POLB: variants seen among roughly 807,000 people sequenced by gnomAD.
The protein encoded by POLB is 5'-dRP lyase.
Under a neutral mutation model 52.7 loss-of-function variants are expected in POLB, and 37 were observed. The ratio of observed to expected loss-of-function variants is 0.70; its 90% CI spans 0.54 to 0.92. The LOEUF is 0.92. Among genes scored for constraint, POLB ranks in the 40% least tolerant of loss-of-function variants. The pLI is 0.00. For missense variants in POLB, 313 were observed against 400.8 expected (o/e 0.78, Z 1.87); for synonymous variants, 138 against 131.3 (o/e 1.05, Z -0.35).
intron 5 of POLB, among the ~76,000 whole-genome samples, chr8:42,350,287 A>C (rs1012772276): frequency 6.6e-6 from 1 of 152,070 alleles, no homozygotes; most frequent in African/African-American, 2.4e-5. Context: ...TCATGAAACC[A>C]GTTTGGTTAC....
intron 2 of POLB, chr8:42,342,650 C>A: frequency 1.7e-6 from 1 of 596,954 alleles, no homozygotes; most frequent in Non-Finnish European, 3.0e-6. Context: ...GGAACAGAGA[C>A]CTGCAGGCCC....
Position 42,355,565 on chromosome 8 carries a change from G to A in POLB, c.420G>A (p.Leu140=). ...DKLNHHQRIG[L]KYFGDFEKRI... ...TGAACCATCATCAGCGAATTGGGCT[G>A]AAGTAAGATGGCAGATTTTCTTTTG... Residue 140 remains leucine, a splice_region_variant and synonymous_variant, in exon 7 of 14, where the codon CTG becomes CTA. Transcript: ENST00000265421. The A allele has an allele frequency of 6.3e-7, 1 of 1,585,762 alleles. No homozygotes were observed. The highest frequency in any genetic ancestry group is 8.7e-7 in the Non-Finnish European group (1 of 1,155,092).
At chr8:42,363,161 T>C (rs1823819595) in intron 11 of POLB, among the ~76,000 whole-genome samples, 1 of 151,506 alleles carries the variant, frequency 6.6e-6, no homozygotes, top group Admixed American at 6.6e-5. Flanking sequence ...GCAGGATGCC[T>C]GATTCTCATA....
chr8:42,349,603 T>C (rs1303044534), intron 4 of POLB, among the ~76,000 whole-genome samples: 1 of 152,176 alleles, frequency 6.6e-6, no homozygotes, highest in Non-Finnish European at 1.5e-5. Flanking sequence ...TTAGCCAGTA[T>C]GGTCTCGATC....
chr8:42,366,105 A>T (rs77665347), intron 11 of POLB, among the ~76,000 whole-genome samples: 3 of 114,674 alleles, frequency 2.6e-5, no homozygotes, highest in African/African-American at 4.9e-5. Context: ...CTCCCAAAGG[A>T]AAAAAAAAAA....
rs1410055410 is a variant in POLB, at chr8:42,349,997, T to A, written c.262-10T>A. ...CCTAAATCATTGTTAGACTTTTTTT[T>A]TTCTTAAAGATTCGGCAGGATGATA... On this transcript the variant is annotated splice_polypyrimidine_tract_variant and intron_variant, in intron 4 of 13. Coordinates refer to ENST00000265421, the MANE Select transcript of POLB (RefSeq NM_002690.3). The A allele has an allele frequency of 6.3e-7, 1 of 1,594,180 alleles. No individual in the cohort carries two copies. Among genetic ancestry groups the A allele is most frequent in the Non-Finnish European group, 8.6e-7 (1 of 1,162,186 alleles).
chr8:42,358,318 C>T (rs946185081), intron 9 of POLB, among the ~76,000 whole-genome samples: 9 of 151,852 alleles, frequency 5.9e-5, no homozygotes, highest in Non-Finnish European at 1.0e-4. Flanking sequence ...CTGGCTAACA[C>T]GGTGAAACCC....
chr8:42,361,951 C>T (rs1162063569), intron 10 of POLB, among the ~76,000 whole-genome samples: 1 of 152,146 alleles, frequency 6.6e-6, no homozygotes, highest in Non-Finnish European at 1.5e-5. Flanking sequence ...GGAAAAAGTA[C>T]TTGCTCAGAA....
chr8:42,366,608 C>G (rs565443403), intron 11 of POLB, among the ~76,000 whole-genome samples: 6 of 152,262 alleles, frequency 3.9e-5, no homozygotes, highest in Non-Finnish European at 7.3e-5. Flanking sequence ...AAGAGAAGCA[C>G]TCGAGGTCAA....
At chr8:42,340,267 A>T (rs1822118784) in intron 2 of POLB, 1 of 152,172 alleles carries the variant, frequency 6.6e-6, no homozygotes, top group Non-Finnish European at 1.5e-5. Context: ...TAAAATCTGG[A>T]TGATTGCCGA....
Position 42,352,580 on chromosome 8 carries a change from T to A in POLB, c.370+12T>A, listed in dbSNP as rs201416398. The A allele has an allele frequency of 2.5e-5, 38 of 1,510,034 alleles. No individual in the cohort carries two copies. The highest frequency in any genetic ancestry group is 3.2e-5 in the Non-Finnish European group (35 of 1,085,230). The allele number at this position is 1,510,034 out of a possible 1,614,324, so 93.5% of individuals were successfully genotyped here. A position where few individuals can be genotyped will look rare whatever the true frequency, so the allele number is the denominator to read the frequency against. On this transcript the variant is annotated intron_variant, in intron 6 of 13. Coordinates refer to ENST00000265421, the MANE Select transcript of POLB (RefSeq NM_002690.3). ...TAAAACACTAGAAGGTGAGTATGAC[T>A]GTAGGTCACTAATTCCAGATTAAAT...
chr8:42,364,641 T>C (rs1823929036), intron 11 of POLB, among the ~76,000 whole-genome samples: 1 of 152,210 alleles, frequency 6.6e-6, no homozygotes, highest in Non-Finnish European at 1.5e-5. Context: ...AAAGAGACTG[T>C]GCTTTTGGAG....
Position 42,369,318 on chromosome 8 carries a change from C to A in POLB, c.756C>A (p.His252Gln). The part of the protein sequence containing the change: ...PSKNDEKEYP[H>Q]RRIDIRLIPK... ...AAAATGATGAAAAAGAATATCCACA[C>A]AGAAGAATTGATATCAGGTATTGTT... Residue 252 changes from histidine (H) to glutamine (Q), a missense_variant, in exon 12 of 14, where the codon CAC becomes CAA. Coordinates refer to ENST00000265421, the MANE Select transcript of POLB (RefSeq NM_002690.3). The A allele has an allele frequency of 6.3e-7, 1 of 1,584,478 alleles. No individual in the cohort carries two copies. Among genetic ancestry groups the A allele is most frequent in the Non-Finnish European group, 8.7e-7 (1 of 1,154,542 alleles).
chr8:42,355,511 T>C lies in POLB; in HGVS notation c.371-5T>C, dbSNP rs1192134859. ...ACATGTCAACTTTATTTATCTTCTA[T>C]ACAGATCTCAGAAAAAATGAAGATA... On this transcript the variant is annotated splice_region_variant and splice_polypyrimidine_tract_variant and intron_variant, in intron 6 of 13. Transcript: ENST00000265421. 2.0e-5 allele frequency: 30 copies of C among 1,532,944 alleles called. No individual in the cohort carries two copies. Among genetic ancestry groups the C allele is most frequent in the Non-Finnish European group, 2.5e-5 (28 of 1,107,168 alleles). 95.0% of individuals were successfully genotyped at this position (1,532,944 alleles called of 1,614,324 possible). A position where few individuals can be genotyped will look rare whatever the true frequency, so the allele number is the denominator to read the frequency against.
At chr8:42,338,934 C>A (rs1228176245) in intron 1 of POLB, 78 bp from the exon 2 acceptor site, 11 of 1,249,352 alleles carry the variant, frequency 8.8e-6, no homozygotes, top group Non-Finnish European at 1.3e-5. Flanking sequence ...TTAGAGGCTG[C>A]CATATCCCCT....
At chr8:42,358,497 A>G (rs1354941838) in intron 9 of POLB, among the ~76,000 whole-genome samples, 3 of 133,420 alleles carry the variant, frequency 2.2e-5, no homozygotes, top group African/African-American at 8.1e-5. Context: ...GCGAGACTCC[A>G]TCTCCAAAAA....
intron 9 of POLB, among the ~76,000 whole-genome samples, chr8:42,359,066 ATGG>A (rs1399143378): frequency 6.6e-6 from 1 of 152,118 alleles, no homozygotes; most frequent in African/African-American, 2.4e-5. Context: ...GGTATGTTGT[ATGG>A]TTATATGCTT....
At chr8:42,353,560 A>G (rs1189278418) in intron 6 of POLB, among the ~76,000 whole-genome samples, 4 of 152,044 alleles carry the variant, frequency 2.6e-5, no homozygotes, top group Non-Finnish European at 5.9e-5. Context: ...CTAACAAGTA[A>G]TTATAAAACG....
intron 2 of POLB, 33 bp from the exon 3 acceptor site, chr8:42,344,920 C>T: frequency 7.4e-7 from 1 of 1,358,466 alleles, no homozygotes. Flanking sequence ...TGATGGATTT[C>T]TAATTGGTTT....
Sources: allele counts gnomAD v4.1 joint callset (sites outside exome capture counted in the v4.1 genomes callset), GRCh38; gene constraint gnomAD v4.1.1; transcripts MANE v1.5; gene names NCBI Gene and HGNC (gene_info 2026-07-23, HGNC 2026-07-21).